SERGEF: variants seen among roughly 807,000 people sequenced by gnomAD.
The protein encoded by SERGEF is secretion regulating guanine nucleotide exchange factor.
Under a neutral mutation model 50.0 loss-of-function variants are expected in SERGEF, and 51 were observed. The observed-to-expected ratio is 1.02, with a 90% CI of 0.81 to 1.29. SERGEF has a LOEUF of 1.29. Among genes scored for constraint, SERGEF ranks in the 50% most tolerant of loss-of-function variants. SERGEF has a pLI of 0.00. For synonymous variants in SERGEF, 205 were observed against 212.4 expected, an observed-to-expected ratio of 0.97 and a Z score of 0.30; for missense variants, 521 against 557.0, an observed-to-expected ratio of 0.94 and a Z score of 0.65.
chr11:17,973,848 T>C (rs1176424781), intron 8 of SERGEF, among the ~76,000 whole-genome samples: 4 of 152,132 alleles, frequency 2.6e-5, no homozygotes, highest in Non-Finnish European at 5.9e-5. Context: ...GTCAGTGGTT[T>C]GGGGACTTGG....
intron 10 of SERGEF, among the ~76,000 whole-genome samples, chr11:17,821,592 C>T (rs1364004040): frequency 2.0e-5 from 3 of 152,292 alleles, no homozygotes; most frequent in Middle Eastern, 3.4e-3. Context: ...ATATGCTATT[C>T]CCTCTGCCTA....
chr11:17,930,563 T>C (rs922989680), intron 9 of SERGEF, among the ~76,000 whole-genome samples: 1 of 152,152 alleles, frequency 6.6e-6, no homozygotes, highest in Non-Finnish European at 1.5e-5. Flanking sequence ...TTTTGAAGCA[T>C]TTAGACAAAA....
At chr11:17,819,046 C>T (rs1009435839) in intron 10 of SERGEF, among the ~76,000 whole-genome samples, 1 of 152,230 alleles carries the variant, frequency 6.6e-6, no homozygotes, top group Admixed American at 6.5e-5. Context: ...TGTAATAACA[C>T]TATTCACCCA....
intron 8 of SERGEF, among the ~76,000 whole-genome samples, chr11:17,980,586 CT>C (rs1565221946): frequency 6.6e-6 from 1 of 152,290 alleles, no homozygotes; most frequent in East Asian, 1.9e-4. Flanking sequence ...CAGAAACATT[CT>C]TTTTTTCTTT....
chr11:17,814,584 A>T (rs1202864331), intron 10 of SERGEF, among the ~76,000 whole-genome samples: 1 of 152,176 alleles, frequency 6.6e-6, no homozygotes, highest in Non-Finnish European at 1.5e-5. Flanking sequence ...GGATGCTTTC[A>T]TCTAATTTAC....
chr11:17,972,238 T>C (rs184176742), intron 8 of SERGEF, among the ~76,000 whole-genome samples: 45 of 152,348 alleles, frequency 3.0e-4, no homozygotes, highest in African/African-American at 1.1e-3. Context: ...GACTCCAAAT[T>C]TGAAAGAAGT....
At chr11:17,957,673 T>G (rs1055504420) in intron 9 of SERGEF, among the ~76,000 whole-genome samples, 3 of 151,920 alleles carry the variant, frequency 2.0e-5, no homozygotes, top group Non-Finnish European at 4.4e-5. Context: ...ACCTTTGCCC[T>G]TGTCATTGCA....
chr11:17,954,822 T>G (rs963054969), intron 9 of SERGEF, among the ~76,000 whole-genome samples: 4 of 152,210 alleles, frequency 2.6e-5, no homozygotes, highest in African/African-American at 7.2e-5. Flanking sequence ...GAGAAAGTCC[T>G]TAGAAACACT....
chr11:17,879,781 T>A (rs918510857), intron 9 of SERGEF, among the ~76,000 whole-genome samples: 1 of 152,190 alleles, frequency 6.6e-6, no homozygotes, highest in Non-Finnish European at 1.5e-5. Flanking sequence ...AATTAGCCAG[T>A]TTAGCCATTC....
chr11:17,789,467 A>T (rs953312914), intron 10 of SERGEF, among the ~76,000 whole-genome samples: 1 of 152,224 alleles, frequency 6.6e-6, no homozygotes, highest in Non-Finnish European at 1.5e-5. Context: ...TGGCCAAGCC[A>T]ACATTCATGC....
At chr11:17,891,593 T>C (rs1272469804) in intron 9 of SERGEF, among the ~76,000 whole-genome samples, 1 of 152,178 alleles carries the variant, frequency 6.6e-6, no homozygotes, top group Non-Finnish European at 1.5e-5. Context: ...AAAAGATTTG[T>C]AGGGACGTGG....
intron 8 of SERGEF, among the ~76,000 whole-genome samples, chr11:17,986,898 C>T (rs897018962): frequency 5.3e-5 from 8 of 152,172 alleles, no homozygotes; most frequent in Admixed American, 2.0e-4. Flanking sequence ...GGTCTATCAC[C>T]CCTAGTGGAC....
intron 9 of SERGEF, among the ~76,000 whole-genome samples, chr11:17,912,995 G>A (rs1402139448): frequency 6.6e-6 from 1 of 152,210 alleles, no homozygotes; most frequent in Non-Finnish European, 1.5e-5. Flanking sequence ...CTTACAAACT[G>A]TAAAGTCTGT....
intron 10 of SERGEF, among the ~76,000 whole-genome samples, chr11:17,844,860 G>A (rs1850574410): frequency 6.6e-6 from 1 of 151,438 alleles, no homozygotes; most frequent in South Asian, 2.1e-4. Context: ...AGAAGAATTG[G>A]GCCACACAAA....
intron 9 of SERGEF, among the ~76,000 whole-genome samples, chr11:17,916,886 TA>T (rs1004406566): frequency 4.6e-5 from 7 of 152,208 alleles, no homozygotes; most frequent in African/African-American, 1.7e-4. Flanking sequence ...GTGTGGTCCC[TA>T]AATCAGTAGC....
intron 8 of SERGEF, among the ~76,000 whole-genome samples, chr11:17,987,981 G>A (rs1853635090): frequency 6.6e-6 from 1 of 152,156 alleles, no homozygotes; most frequent in Non-Finnish European, 1.5e-5. Flanking sequence ...TGAGGACAAA[G>A]TTAACAATAT....
intron 1 of SERGEF, among the ~76,000 whole-genome samples, chr11:18,010,598 T>C (rs1854175082): frequency 6.6e-6 from 1 of 152,226 alleles, no homozygotes; most frequent in Non-Finnish European, 1.5e-5. Flanking sequence ...TATGACTTTA[T>C]CTAAAAGAGC....
chr11:17,973,819 A>G (rs1853306552), intron 8 of SERGEF, among the ~76,000 whole-genome samples: 1 of 152,182 alleles, frequency 6.6e-6, no homozygotes, highest in African/African-American at 2.4e-5. Context: ...ATGCCAATGG[A>G]GATAATGACC....
At chr11:17,805,071 A>G (rs1849732988) in intron 10 of SERGEF, among the ~76,000 whole-genome samples, 1 of 152,242 alleles carries the variant, frequency 6.6e-6, no homozygotes, top group South Asian at 2.1e-4. Flanking sequence ...GTTCTCTGAG[A>G]AACTCTTTAT....
Sources: gnomAD v4.1 joint callset for allele counts (sites outside exome capture counted in the v4.1 genomes callset) on GRCh38, gnomAD v4.1.1 for gene constraint, MANE v1.5 for transcripts, NCBI Gene and HGNC (gene_info 2026-07-23, HGNC 2026-07-21) for gene names.